Variants in NR1H4 observed in about 807,000 individuals in gnomAD.
NR1H4 encodes bile acid receptor.
NR1H4 carries 23 observed loss-of-function variants against 58.5 expected under a neutral mutation model. The ratio of observed to expected loss-of-function variants is 0.39; its 90% CI spans 0.28 to 0.56. NR1H4 has a LOEUF of 0.56. Ranked by LOEUF, NR1H4 falls within the 20% of genes least tolerant of loss-of-function variation. NR1H4 has a pLI of 0.58. For missense variants in NR1H4, 487 were observed against 576.9 expected (o/e 0.84, Z 1.60); for synonymous variants, 214 against 198.0 (o/e 1.08, Z -0.68).
chr12:100,479,819 C>T (rs184783881), intron 1 of NR1H4, among the ~76,000 whole-genome samples: 1 of 152,218 alleles, frequency 6.6e-6, no homozygotes, highest in Admixed American at 6.5e-5. Flanking sequence ...TTCCAACACT[C>T]CAAGCCCAGG....
chr12:100,476,629 A>C (rs143564482), intron 1 of NR1H4, among the ~76,000 whole-genome samples: 123 of 152,312 alleles, frequency 8.1e-4, no homozygotes, highest in African/African-American at 2.4e-3. Context: ...AGGACAGAAA[A>C]GGTTCTTTAC....
chr12:100,538,719 T>A (rs1954867685), intron 8 of NR1H4, among the ~76,000 whole-genome samples: 1 of 152,226 alleles, frequency 6.6e-6, no homozygotes, highest in Non-Finnish European at 1.5e-5. Context: ...GGATTTTAGT[T>A]AAACATGTTA....
chr12:100,551,789 T>C (rs1310249664), intron 9 of NR1H4, among the ~76,000 whole-genome samples: 2 of 152,232 alleles, frequency 1.3e-5, no homozygotes, highest in Non-Finnish European at 2.9e-5. Context: ...AGATCTCTCT[T>C]GGATACCAGT....
intron 4 of NR1H4, among the ~76,000 whole-genome samples, chr12:100,523,295 C>G (rs1412105292): frequency 6.6e-6 from 1 of 152,104 alleles, no homozygotes; most frequent in Non-Finnish European, 1.5e-5. Flanking sequence ...TTGCATTTCC[C>G]CAATGATTAG....
At chr12:100,490,734 T>G (rs1203173994) in intron 1 of NR1H4, among the ~76,000 whole-genome samples, 1 of 152,164 alleles carries the variant, frequency 6.6e-6, no homozygotes, top group Non-Finnish European at 1.5e-5. Flanking sequence ...ATGCTGAAAT[T>G]TGAATTTCCC....
At chr12:100,537,174 A>C in intron 8 of NR1H4, 127 bp downstream of exon 8, 1 of 662,294 alleles carries the variant, frequency 1.5e-6, no homozygotes, top group South Asian at 1.9e-5. Flanking sequence ...CTCTATTTTC[A>C]CTATTACTTT....
intron 9 of NR1H4, among the ~76,000 whole-genome samples, chr12:100,543,473 A>G (rs1422568732): frequency 6.6e-6 from 1 of 152,098 alleles, no homozygotes; most frequent in East Asian, 1.9e-4. Context: ...GAGAAGAGAA[A>G]GGATCTGGGA....
intron 3 of NR1H4, among the ~76,000 whole-genome samples, chr12:100,507,102 C>T (rs1023445283): frequency 1.3e-5 from 2 of 152,138 alleles, no homozygotes; most frequent in East Asian, 1.9e-4. Flanking sequence ...CAGATTCTAT[C>T]GGTTTTTGAT....
chr12:100,481,068 C>T (rs1388530944), intron 1 of NR1H4, among the ~76,000 whole-genome samples: 1 of 152,168 alleles, frequency 6.6e-6, no homozygotes, highest in African/African-American at 2.4e-5. Context: ...ACCTCACTTC[C>T]ACCACATTCT....
chr12:100,563,108 TTCA>T (rs1593146310), intron 10 of NR1H4, 140 bp from the exon 11 acceptor site: 3 of 687,322 alleles, frequency 4.4e-6, no homozygotes, highest in East Asian at 2.7e-5. Context: ...TGCATAAAAA[TTCA>T]TCAGGTTGAA....
At chr12:100,543,756 T>C (rs893673971) in intron 9 of NR1H4, among the ~76,000 whole-genome samples, 3 of 152,138 alleles carry the variant, frequency 2.0e-5, no homozygotes, top group African/African-American at 4.8e-5. Flanking sequence ...TAATCAATAA[T>C]TGACAGTTCA....
intron 9 of NR1H4, among the ~76,000 whole-genome samples, chr12:100,541,689 G>A (rs1954939691): frequency 6.6e-6 from 1 of 151,516 alleles, no homozygotes; most frequent in Admixed American, 6.6e-5. Flanking sequence ...GTTTCCCCTG[G>A]GTTCAAGTGA....
chr12:100,551,118 C>T (rs1299794949), intron 9 of NR1H4, among the ~76,000 whole-genome samples: 1 of 152,154 alleles, frequency 6.6e-6, no homozygotes, highest in Non-Finnish European at 1.5e-5. Context: ...CAACTATCTG[C>T]TAGCAGGGAA....
intron 4 of NR1H4, among the ~76,000 whole-genome samples, chr12:100,525,642 G>A (rs559927151): frequency 5.3e-5 from 8 of 152,254 alleles, no homozygotes; most frequent in Admixed American, 1.3e-4. Flanking sequence ...GGGTAATGCT[G>A]GCCTCATAAA....
intron 1 of NR1H4, among the ~76,000 whole-genome samples, chr12:100,479,239 C>T (rs1314777648): frequency 6.6e-6 from 1 of 152,158 alleles, no homozygotes; most frequent in Non-Finnish European, 1.5e-5. Flanking sequence ...CAAATGTATT[C>T]TTTTCCTATT....
intron 3 of NR1H4, among the ~76,000 whole-genome samples, chr12:100,507,222 C>T (rs543423839): frequency 7.9e-5 from 12 of 152,104 alleles, no homozygotes; most frequent in South Asian, 4.2e-4. Context: ...TCTAAGTGTA[C>T]GTGAAACTAA....
chr12:100,545,005 G>A (rs965115226), intron 9 of NR1H4, among the ~76,000 whole-genome samples: 9 of 152,112 alleles, frequency 5.9e-5, no homozygotes, highest in African/African-American at 2.2e-4. Context: ...GAAAAAGAGG[G>A]GTGCAATGTC....
Position 100,563,650 on chromosome 12 carries a change from T to G in NR1H4, c.*161T>G, listed in dbSNP as rs1955523722. 6.1e-6 allele frequency: 4 copies of G among 653,310 alleles called. No individual in the cohort carries two copies. In the South Asian group the frequency reaches 7.6e-5, roughly 12 times the overall value. The allele number at this position is 653,310 out of a possible 1,614,324, so 40.5% of individuals were successfully genotyped here. A position where few individuals can be genotyped will look rare whatever the true frequency, so the allele number is the denominator to read the frequency against. On this transcript the variant is annotated 3_prime_UTR_variant, in exon 11 of 11. Coordinates refer to ENST00000392986, the MANE Select transcript of NR1H4 (RefSeq NM_001206979.2). Reference sequence around the variant, plus strand: ...ACTTCCACAACTGTAAATATTGGGCTAGATAGAACAACTTTCTCTACATTG... The same window carrying G: ...ACTTCCACAACTGTAAATATTGGGCGAGATAGAACAACTTTCTCTACATTG...
chr12:100,521,202 G>T (rs1349982849), intron 4 of NR1H4, among the ~76,000 whole-genome samples: 2 of 151,206 alleles, frequency 1.3e-5, no homozygotes, highest in African/African-American at 4.8e-5. Flanking sequence ...TCTTTTTCTG[G>T]TTCCACTAAA....
Sources: allele counts gnomAD v4.1 joint callset (sites outside exome capture counted in the v4.1 genomes callset), GRCh38; gene constraint gnomAD v4.1.1; transcripts MANE v1.5; gene names NCBI Gene and HGNC (gene_info 2026-07-23, HGNC 2026-07-21).